Variants in PKP4 observed in about 807,000 individuals in gnomAD.
The protein encoded by PKP4 is plakophilin-4.
A neutral mutation model predicts 145.1 loss-of-function variants in PKP4; 90 were observed. That is an observed-to-expected ratio of 0.62 (90% CI 0.52 to 0.74). PKP4 has a LOEUF of 0.74. Ranked by LOEUF, PKP4 falls within the 30% of genes least tolerant of loss-of-function variation. The pLI is 0.00. For synonymous variants in PKP4, 563 were observed against 577.2 expected, an observed-to-expected ratio of 0.98 and a Z score of 0.35; for missense variants, 1,340 against 1,482.7, an observed-to-expected ratio of 0.90 and a Z score of 1.58.
chr2:158,476,256 C>T (rs115077503), intron 1 of PKP4, among the ~76,000 whole-genome samples: 7 of 152,254 alleles, frequency 4.6e-5, no homozygotes, highest in Admixed American at 1.3e-4. Context: ...ACATGTACAG[C>T]GAAAAATGTG....
intron 1 of PKP4, among the ~76,000 whole-genome samples, chr2:158,465,135 A>G (rs1298486711): frequency 2.6e-5 from 4 of 152,236 alleles, no homozygotes; most frequent in Admixed American, 2.6e-4. Flanking sequence ...GTTGGGAAAG[A>G]TAAGACACAT....
Position 158,577,340 on chromosome 2 carries a change from A to G in PKP4, c.202A>G (p.Arg68Gly), listed in dbSNP as rs763618650. The G allele has an allele frequency of 1.2e-6, 2 of 1,613,708 alleles. No individual in the cohort carries two copies. Among genetic ancestry groups the G allele is most frequent in the Non-Finnish European group, 1.7e-6 (2 of 1,179,854 alleles). ...ERQIVASQLE[R>G]CRLGAESPSI... ...GCAGATTGTTGCCAGTCAGCTAGAA[A>G]GATGTAGGCTTGGAGCAGAATCACC... The change falls in exon 3 of 22, where the codon AGA becomes GGA. Residue 68 changes from arginine to glycine, a missense_variant. By Grantham distance (125) the Arg-to-Gly change is moderately radical (BLOSUM62 -2). Coordinates refer to ENST00000389759, the MANE Select transcript of PKP4 (RefSeq NM_003628.6).
chr2:158,558,106 C>G (rs185399095), intron 2 of PKP4, among the ~76,000 whole-genome samples: 27 of 152,306 alleles, frequency 1.8e-4, no homozygotes, highest in Admixed American at 1.6e-3. Context: ...ATTCTTTCCC[C>G]TGTGCACCAT....
intron 1 of PKP4, among the ~76,000 whole-genome samples, chr2:158,513,078 G>C (rs1239245256): frequency 6.6e-6 from 1 of 152,052 alleles, no homozygotes; most frequent in Non-Finnish European, 1.5e-5. Flanking sequence ...TTCCTTTTCT[G>C]TGTTTCATAC....
chr2:158,463,637 A>G (rs1332621355), intron 1 of PKP4, among the ~76,000 whole-genome samples: 3 of 152,098 alleles, frequency 2.0e-5, no homozygotes, highest in African/African-American at 7.2e-5. Flanking sequence ...TTGTCTATAA[A>G]ATGAGGGAGT....
chr2:158,636,725 T>C (rs1480869552), intron 9 of PKP4, among the ~76,000 whole-genome samples: 1 of 152,210 alleles, frequency 6.6e-6, no homozygotes, highest in African/African-American at 2.4e-5. Context: ...TGTATTCTTG[T>C]AATCAGAAAT....
chr2:158,471,004 ACAG>A (rs1382551643), intron 1 of PKP4, among the ~76,000 whole-genome samples: 1 of 152,152 alleles, frequency 6.6e-6, no homozygotes, highest in Non-Finnish European at 1.5e-5. Context: ...CAATTTAAAA[ACAG>A]CATGCTTGCT....
At position 158,548,097 on chromosome 2, in the gene PKP4, A is replaced by G. The variant is rs555950647; in HGVS notation, c.132+14781A>G. ...TGAATGGCAGACAGGGATTCAGACAATTAACTGCCTGTGGAGTACTCTGTA... is the reference window on the plus strand; with the variant it reads ...TGAATGGCAGACAGGGATTCAGACAGTTAACTGCCTGTGGAGTACTCTGTA... On this transcript the variant is annotated intron_variant, in intron 2 of 21. Coordinates refer to ENST00000389759, the MANE Select transcript of PKP4 (RefSeq NM_003628.6). Among the ~76,000 whole-genome samples, 58 of 152,336 alleles carry G rather than the reference A, an allele frequency of 3.8e-4. 1 individual carries two copies. The highest frequency in any genetic ancestry group is 1.3e-3 in the African/African-American group (53 of 41,584).
In PKP4 at chr2:158,676,738, G is replaced by A. The variant is rs1475027079; in HGVS notation, c.3128-1G>A. 6.2e-7 allele frequency: 1 copy of A among 1,614,092 alleles called. No homozygotes were observed. The highest frequency in any genetic ancestry group is 8.5e-7 in the Non-Finnish European group (1 of 1,180,016). ...CTCTCCTCCTTTGCCTCTCCCTTCA[G>A]TCGGCAGCACCTCTTCCTCACCAGC... On this transcript the variant is annotated splice_acceptor_variant, in intron 19 of 21. Coordinates refer to ENST00000389759, the MANE Select transcript of PKP4 (RefSeq NM_003628.6). LOFTEE classifies it high-confidence loss of function.
At chr2:158,541,961 A>G (rs1246731052) in intron 2 of PKP4, among the ~76,000 whole-genome samples, 2 of 152,164 alleles carry the variant, frequency 1.3e-5, no homozygotes, top group Non-Finnish European at 2.9e-5. Context: ...TATTTCATCC[A>G]TATGTAGTAT....
intron 1 of PKP4, among the ~76,000 whole-genome samples, chr2:158,519,309 G>A (rs1215719157): frequency 6.6e-6 from 1 of 152,024 alleles, no homozygotes; most frequent in African/African-American, 2.4e-5. Flanking sequence ...CCTACTTACA[G>A]TTTTCAGTTT....
At chr2:158,529,987 G>A (rs2043370903) in intron 1 of PKP4, among the ~76,000 whole-genome samples, 1 of 152,186 alleles carries the variant, frequency 6.6e-6, no homozygotes, top group South Asian at 2.1e-4. Context: ...TCTATAGGTT[G>A]ATGTATTTCA....
At position 158,673,873 on chromosome 2, in the gene PKP4, A is replaced by C. The variant is rs370003268; in HGVS notation, c.3010-10A>C. 4 of 1,576,752 alleles carry C rather than the reference A, an allele frequency of 2.5e-6. No individual in the cohort carries two copies. The highest frequency in any genetic ancestry group is 3.5e-6 in the Non-Finnish European group (4 of 1,145,980). On this transcript the variant is annotated splice_polypyrimidine_tract_variant and intron_variant, in intron 18 of 21. Coordinates refer to ENST00000389759, the MANE Select transcript of PKP4 (RefSeq NM_003628.6). ...ATTTTGAGAGGTTTCTTTTTCTCTTAACTCTGCAGGATGGGTGGAATCAGA... is the reference window on the plus strand; with the variant it reads ...ATTTTGAGAGGTTTCTTTTTCTCTTCACTCTGCAGGATGGGTGGAATCAGA...
intron 20 of PKP4, among the ~76,000 whole-genome samples, chr2:158,677,979 ACAT>A (rs1357842524): frequency 6.6e-6 from 1 of 152,248 alleles, no homozygotes; most frequent in Non-Finnish European, 1.5e-5. Flanking sequence ...TGGAAGGGTA[ACAT>A]CATCAGGAGT....
At chr2:158,525,808 A>G (rs992237934) in intron 1 of PKP4, among the ~76,000 whole-genome samples, 29 of 145,904 alleles carry the variant, frequency 2.0e-4, no homozygotes, top group African/African-American at 6.9e-4. Flanking sequence ...GGATATCACC[A>G]CCGATCCCAC....
intron 3 of PKP4, among the ~76,000 whole-genome samples, chr2:158,594,743 G>T (rs148315247): frequency 6.6e-6 from 1 of 152,074 alleles, no homozygotes; most frequent in African/African-American, 2.4e-5. Context: ...TTTGGAAGGG[G>T]TTTCAAAAAA....
intron 6 of PKP4, among the ~76,000 whole-genome samples, chr2:158,624,586 A>G (rs1172746808): frequency 2.6e-5 from 4 of 152,168 alleles, no homozygotes; most frequent in Non-Finnish European, 5.9e-5. Flanking sequence ...TGCATAGGCA[A>G]TAGTTAAAAA....
At chr2:158,533,440 G>T in intron 2 of PKP4, 124 bp downstream of exon 2, 1 of 1,157,378 alleles carries the variant, frequency 8.6e-7, no homozygotes. Context: ...ATTATAAGGT[G>T]TTTACATCCC....
chr2:158,616,433 A>G (rs149488252), intron 4 of PKP4, among the ~76,000 whole-genome samples: 2 of 152,196 alleles, frequency 1.3e-5, no homozygotes, highest in Non-Finnish European at 2.9e-5. Flanking sequence ...GGAGAGCCCC[A>G]TGACCAGAGA....
Sources: allele counts gnomAD v4.1 joint callset (sites outside exome capture counted in the v4.1 genomes callset), GRCh38; gene constraint gnomAD v4.1.1; transcripts MANE v1.5; gene names NCBI Gene and HGNC (gene_info 2026-07-23, HGNC 2026-07-21).